The following TCFL5 variants were observed in gnomAD, a reference collection of about 807,000 sequenced individuals.
TCFL5 encodes the protein transcription factor-like 5 protein.
In TCFL5, 9 loss-of-function variants were observed where a neutral mutation model predicts 44.3. The observed-to-expected ratio is 0.20, with a 90% CI of 0.12 to 0.35. TCFL5 has a LOEUF of 0.35. Ranked by LOEUF, TCFL5 falls within the 10% of genes least tolerant of loss-of-function variation. The probability of loss-of-function intolerance (pLI) is 1.00; values close to 1 mark genes in which losing one functional copy is unlikely to be tolerated. For synonymous variants in TCFL5, 319 were observed against 271.6 expected (o/e 1.17, Z -1.72); for missense variants, 603 against 613.4 (o/e 0.98, Z 0.18).
chr20:62,845,569 G>T lies in TCFL5; in HGVS notation c.1381-3472C>A. On this transcript the variant is annotated intron_variant, in intron 5 of 5. Coordinates refer to ENST00000335351, the MANE Select transcript of TCFL5 (RefSeq NM_006602.4). ...AATTCACCTTTCAGGACAATTAAAT[G>T]AAAGTCAGAGCCTGGGCCGGCTCCG... The T allele has an allele frequency of 2.7e-6, 4 of 1,498,318 alleles. No homozygotes were observed. In the East Asian group the frequency reaches 7.3e-5, roughly 27 times the overall value. The allele number at this position is 1,498,318 out of a possible 1,614,324, so 92.8% of individuals were successfully genotyped here. A position where few individuals can be genotyped will look rare whatever the true frequency, so the allele number is the denominator to read the frequency against.
intron 1 of TCFL5, 82 bp downstream of exon 1, chr20:62,860,942 C>T: frequency 2.1e-6 from 2 of 955,732 alleles, no homozygotes; most frequent in Non-Finnish European, 2.5e-6. Flanking sequence ...ACAGCGAGGG[C>T]CCCCTTTGCC....
rs561756797 is a variant in TCFL5, at chr20:62,847,106, C to G, written c.1381-5009G>C. Among the ~76,000 whole-genome samples the G allele has an allele frequency of 1.4e-4, 22 of 151,726 alleles. No individual in the cohort carries two copies. In the East Asian group the frequency reaches 1.9e-3, roughly 13 times the overall value. Reference sequence around the variant, plus strand: ...GCTGAGGCAGGAGAATTGCTTGAACCCAGGAGGCAGACGCTGTAGTGAGCC... The same window carrying G: ...GCTGAGGCAGGAGAATTGCTTGAACGCAGGAGGCAGACGCTGTAGTGAGCC... On this transcript the variant is annotated intron_variant, in intron 5 of 5. Coordinates refer to ENST00000335351, the MANE Select transcript of TCFL5 (RefSeq NM_006602.4).
intron 5 of TCFL5, chr20:62,845,106 T>C (rs1376029260): frequency 1.0e-6 from 1 of 987,800 alleles, no homozygotes; most frequent in Non-Finnish European, 1.2e-6. Context: ...CATATAAATA[T>C]ACTCATTTTC....
At position 62,857,646 on chromosome 20, in the gene TCFL5, A is replaced by G; in HGVS notation, c.995-8T>C. On this transcript the variant is annotated splice_region_variant and splice_polypyrimidine_tract_variant and intron_variant, in intron 3 of 5. Transcript: ENST00000335351. ...GTTTGCATAGCGCTGCTTCTTTGCG[A>G]AAGAAGAAAAAAGTGGTTTTTAATT... The G allele has an allele frequency of 1.9e-6, 3 of 1,605,822 alleles. No homozygotes were observed. Among genetic ancestry groups the G allele is most frequent in the South Asian group, 2.2e-5 (2 of 90,006 alleles).
intron 3 of TCFL5, among the ~76,000 whole-genome samples, chr20:62,858,814 C>CAGGTGTTTCCCAGGGAGGAAGGGACTAT (rs1568794143): frequency 1.6e-4 from 13 of 82,342 alleles, no homozygotes; most frequent in Admixed American, 3.3e-4. Flanking sequence ...GAAGGGGCTA[C>CAGGTGTTTCCCAGGGAGGAAGGGACTAT]GCAGGTGTTT....
In TCFL5 at chr20:62,854,005, C is replaced by T. The variant is rs1282195183; in HGVS notation, c.1380+11G>A. ...GTAAAATTCTGAAAATCTACCTGGC[C>T]TACCACTAACCTTTTTAAGAGAATC... On this transcript the variant is annotated intron_variant, in intron 5 of 5. Coordinates refer to ENST00000335351, the MANE Select transcript of TCFL5 (RefSeq NM_006602.4). 1.2e-6 allele frequency: 2 copies of T among 1,612,552 alleles called. No homozygotes were observed. Among genetic ancestry groups the T allele is most frequent in the African/African-American group, 1.3e-5 (1 of 74,968 alleles).
At chr20:62,860,960 C>G in intron 1 of TCFL5, 64 bp downstream of exon 1, 2 of 822,232 alleles carry the variant, frequency 2.4e-6, no homozygotes, top group Non-Finnish European at 2.8e-6. Context: ...GCCTCCGCCC[C>G]GGCCCCGGCC....
chr20:62,849,174 A>C (rs945232513), intron 5 of TCFL5, among the ~76,000 whole-genome samples: 1 of 151,752 alleles, frequency 6.6e-6, no homozygotes, highest in African/African-American at 2.4e-5. Context: ...CAAAAAAAAA[A>C]CACGGAAGTA....
rs762863551 is a variant in TCFL5 at position 62,859,399 on chromosome 20, T to G, written c.959A>C (p.Lys320Thr). Residue 320 changes from lysine to threonine, a missense_variant, in exon 3 of 6, where the codon AAA becomes ACA. By Grantham distance (78) the Lys-to-Thr change is moderately conservative. Transcript: ENST00000335351. ...STKQTLGSRN[K>T]VLPEQVWIKV... ...AATCCAAACTTGCTCAGGCAAAACTTTGTTTCTACTACCTAACGTCTGTTT... is the reference window on the plus strand; with the variant it reads ...AATCCAAACTTGCTCAGGCAAAACTGTGTTTCTACTACCTAACGTCTGTTT... 6.8e-6 allele frequency: 11 copies of G among 1,610,416 alleles called. No individual in the cohort carries two copies. The highest frequency in any genetic ancestry group is 1.3e-5 in the African/African-American group (1 of 74,820).
At chr20:62,855,669 G>A (rs1230474167) in intron 4 of TCFL5, among the ~76,000 whole-genome samples, 1 of 152,200 alleles carries the variant, frequency 6.6e-6, no homozygotes. Context: ...AGGAGGCTGA[G>A]GCAGGAGAAT....
At chr20:62,845,719 C>G (rs759446555) in intron 5 of TCFL5, 1 of 1,606,690 alleles carries the variant, frequency 6.2e-7, no homozygotes, top group Admixed American at 1.7e-5. Context: ...GACGAGGACT[C>G]GGAGACATAT....
At chr20:62,844,010 T>C (rs571800191) in intron 5 of TCFL5, among the ~76,000 whole-genome samples, 2 of 152,340 alleles carry the variant, frequency 1.3e-5, no homozygotes, top group African/African-American at 2.4e-5. Context: ...ACTTGAGTCA[T>C]TTCCACCTTT....
intron 4 of TCFL5, among the ~76,000 whole-genome samples, chr20:62,856,300 GA>G (rs2063889617): frequency 7.1e-6 from 1 of 141,286 alleles, no homozygotes; most frequent in South Asian, 2.3e-4. Context: ...AATTATAATA[GA>G]AAAAAATTAA....
rs989369396 is a variant in TCFL5 at position 62,852,148 on chromosome 20, T to TTAG, written c.1380+1865_1380+1867dup. Reference sequence around the variant, plus strand: ...GAGGTCCTTGTTTGTTGCAGCAACCTTAGTTTGTTCTCTAGTCAGACTCCT... The same window carrying TTAG: ...GAGGTCCTTGTTTGTTGCAGCAACCTTAGTAGTTTGTTCTCTAGTCAGACTCCT... On this transcript the variant is annotated intron_variant, in intron 5 of 5. Transcript: ENST00000335351. The TTAG allele has an allele frequency of 3.0e-6, 3 of 985,322 alleles. No individual in the cohort carries two copies. In the African/African-American group the frequency reaches 5.2e-5, roughly 17 times the overall value. 61.0% of individuals were successfully genotyped at this position (985,322 alleles called of 1,614,324 possible).
At chr20:62,850,005 A>G (rs754111587) in intron 5 of TCFL5, among the ~76,000 whole-genome samples, 3 of 152,164 alleles carry the variant, frequency 2.0e-5, no homozygotes, top group Non-Finnish European at 2.9e-5. Context: ...TTAGGCAGGT[A>G]TAGTGGCAAT....
chr20:62,846,069 T>C (rs1267561746), intron 5 of TCFL5: 1 of 1,330,664 alleles, frequency 7.5e-7, no homozygotes, highest in Non-Finnish European at 9.9e-7. Context: ...GATTTCATCT[T>C]CAGGAAGCAA....
At chr20:62,850,468 T>TC (rs2063793267) in intron 5 of TCFL5, among the ~76,000 whole-genome samples, 1 of 151,720 alleles carries the variant, frequency 6.6e-6, no homozygotes, top group Non-Finnish European at 1.5e-5. Context: ...GACGCCTTTT[T>TC]CCCATCACAA....
chr20:62,843,952 G>C (rs2063707728), intron 5 of TCFL5, among the ~76,000 whole-genome samples: 1 of 152,194 alleles, frequency 6.6e-6, no homozygotes, highest in South Asian at 2.1e-4. Context: ...GTAAGATTCT[G>C]TTGTGTGCTT....
At chr20:62,852,000 CTCA>C (rs1348570430) in intron 5 of TCFL5, 32 of 880,654 alleles carry the variant, frequency 3.6e-5, no homozygotes, top group Non-Finnish European at 4.4e-5. Context: ...AGACGGGGGT[CTCA>C]TCATGTTGGC....
Sources: gnomAD v4.1 joint callset for allele counts (sites outside exome capture counted in the v4.1 genomes callset) on GRCh38, gnomAD v4.1.1 for gene constraint, MANE v1.5 for transcripts, NCBI Gene and HGNC (gene_info 2026-07-23, HGNC 2026-07-21) for gene names.